Variants in MCRIP1 observed in about 807,000 individuals in gnomAD.
MCRIP1 encodes mapk-regulated corepressor-interacting protein 1.
Under a neutral mutation model 14.4 loss-of-function variants are expected in MCRIP1, and 10 were observed. The ratio of observed to expected loss-of-function variants is 0.70; its 90% CI spans 0.43 to 1.18. MCRIP1 has a LOEUF of 1.18. Among genes scored for constraint, MCRIP1 ranks in the 50% most tolerant of loss-of-function variants. The pLI is 0.00. For synonymous variants in MCRIP1, 53 were observed against 55.7 expected, an observed-to-expected ratio of 0.95 and a Z score of 0.21; for missense variants, 119 against 135.4, an observed-to-expected ratio of 0.88 and a Z score of 0.60.
intron 1 of MCRIP1, chr17:81,825,666 G>C (rs1189845118): frequency 1.6e-6 from 2 of 1,289,248 alleles, no homozygotes; most frequent in African/African-American, 1.5e-5. Context: ...AACCAGCAAA[G>C]AGCAGAAAAC....
intron 1 of MCRIP1, among the ~76,000 whole-genome samples, chr17:81,828,035 C>A (rs564797956): frequency 1.1e-4 from 16 of 152,154 alleles, no homozygotes; most frequent in Non-Finnish European, 1.6e-4. Context: ...CTGCTTCGGC[C>A]TCCCAAAGTG....
In MCRIP1 at chr17:81,824,472, A is replaced by G. The variant is rs8079817; in HGVS notation, c.8+27T>C. On this transcript the variant is annotated intron_variant, in intron 2 of 4. Transcript: ENST00000455127. ...GGGAGCCCACAACCCGCCCCGGTGGAGACCAGCCCACCTGCCTGAGACCCA... is the reference window on the plus strand; with the variant it reads ...GGGAGCCCACAACCCGCCCCGGTGGGGACCAGCCCACCTGCCTGAGACCCA... The G allele has an allele frequency of 5.3e-3, 8,086 of 1,535,634 alleles. 339 individuals are homozygous for G. The African/African-American group carries it at 0.096, about 18-fold the overall frequency.
At chr17:81,825,072 T>C (rs2143213054) in intron 1 of MCRIP1, 2 of 1,013,286 alleles carry the variant, frequency 2.0e-6, no homozygotes, top group South Asian at 4.0e-5. Context: ...CTAAAGGTGA[T>C]CCCAGCTCCC....
chr17:81,829,776 C>A (rs892472489), intron 1 of MCRIP1, among the ~76,000 whole-genome samples: 1 of 152,168 alleles, frequency 6.6e-6, no homozygotes, highest in Non-Finnish European at 1.5e-5. Flanking sequence ...CCACATCCCA[C>A]GCCACCCCAC....
Position 81,823,024 on chromosome 17 carries a change from G to T in MCRIP1, c.*223C>A, listed in dbSNP as rs1484582282. ...TGGCTGGGGGAGGGCAGGAGGGTGG[G>T]CAGGGCCCAGACCCCCATGATGGGG... is the stretch of plus-strand genomic sequence containing the variant. On this transcript the variant is annotated 3_prime_UTR_variant, in exon 5 of 5. Transcript: ENST00000455127. This position sits in a 1 kb window ranked among gnomAD's most constrained non-coding sequence, Gnocchi z 6.0. 2 of 603,690 alleles carry T rather than the reference G, an allele frequency of 3.3e-6. No individual in the cohort carries two copies. Among genetic ancestry groups the T allele is most frequent in the Non-Finnish European group, 5.9e-6 (2 of 340,184 alleles). 37.4% of individuals were successfully genotyped at this position (603,690 alleles called of 1,614,324 possible). A position where few individuals can be genotyped will look rare whatever the true frequency, so the allele number is the denominator to read the frequency against.
intron 1 of MCRIP1, chr17:81,825,917 A>G: frequency 7.7e-7 from 1 of 1,293,920 alleles, no homozygotes; most frequent in South Asian, 1.2e-5. Context: ...CCTGCTGGGA[A>G]GCTCCCGTTA....
In MCRIP1 at chr17:81,823,490, G is replaced by C. The variant is rs992606523; in HGVS notation, c.151C>G (p.Leu51Val). Reference sequence around the variant, plus strand: ...TCGCCACCCGGCACCTGGCCTCGCAGGTCTCGCTCCACACCCTGCCAGGCT... The same window carrying C: ...TCGCCACCCGGCACCTGGCCTCGCACGTCTCGCTCCACACCCTGCCAGGCT... ...YEAWQGVERD[L>V]RGQVPGGERG... is the part of the protein sequence containing the mutation. Residue 51 changes from leucine (L) to valine (V), a missense_variant, in exon 4 of 5, where the codon CTG becomes GTG. Leu to Val is a conservative substitution (Grantham distance 32). Coordinates refer to ENST00000455127, the MANE Select transcript of MCRIP1 (RefSeq NM_207368.5). The surrounding 1 kb of genome is among the most constrained non-coding windows in gnomAD (Gnocchi z 6.0). 17 of 1,536,348 alleles carry C rather than the reference G, an allele frequency of 1.1e-5. No homozygotes were observed. The highest frequency in any genetic ancestry group is 1.5e-5 in the Non-Finnish European group (17 of 1,146,770).
At chr17:81,832,115 G>A (rs890471532) in intron 1 of MCRIP1, among the ~76,000 whole-genome samples, 4 of 152,168 alleles carry the variant, frequency 2.6e-5, no homozygotes, top group Non-Finnish European at 5.9e-5. Context: ...TGACGCCATC[G>A]CTAGTCACCA....
intron 1 of MCRIP1, among the ~76,000 whole-genome samples, chr17:81,832,074 G>C (rs1237122720): frequency 6.6e-6 from 1 of 152,178 alleles, no homozygotes; most frequent in Non-Finnish European, 1.5e-5. Context: ...CCAGCAACGT[G>C]ACAATAGTGA....
intron 1 of MCRIP1, chr17:81,825,510 C>T: frequency 8.1e-7 from 1 of 1,240,466 alleles, no homozygotes; most frequent in African/African-American, 1.6e-5. Context: ...AGGCCCAAGG[C>T]TGCAGATACT....
In MCRIP1 at chr17:81,830,220, T is replaced by C. The variant is rs778196225; in HGVS notation, c.-49+3018A>G. 1.2e-4 allele frequency among the ~76,000 whole-genome samples: 19 copies of C among 152,258 alleles called. No homozygotes were observed. The East Asian group carries it at 2.3e-3, about 19-fold the overall frequency. ...CCACAGGTAGGCTCGCCTGCTCCAA[T>C]AGGGACGGAAGCACAGCCATGGAAA... is the stretch of plus-strand genomic sequence containing the variant. On this transcript the variant is annotated intron_variant, in intron 1 of 4. Coordinates refer to ENST00000455127, the MANE Select transcript of MCRIP1 (RefSeq NM_207368.5).
chr17:81,833,149 C>A, intron 1 of MCRIP1, 89 bp downstream of exon 1: 1 of 146,768 alleles, frequency 6.8e-6, no homozygotes, highest in South Asian at 2.0e-4. Context: ...GCAGGGCACC[C>A]GCGGCCGCGC....
intron 1 of MCRIP1, among the ~76,000 whole-genome samples, chr17:81,829,292 G>GA (rs2038473280): frequency 6.6e-6 from 1 of 152,188 alleles, no homozygotes; most frequent in Non-Finnish European, 1.5e-5. Context: ...TCAGCCCAGA[G>GA]AGACAGCCCC....
chr17:81,822,367 T>G lies in MCRIP1; in HGVS notation c.*880A>C, dbSNP rs1349576911. 1.3e-5 allele frequency: 2 copies of G among 152,386 alleles called. No homozygotes were observed. Among genetic ancestry groups the G allele is most frequent in the East Asian group, 1.9e-4 (1 of 5,208 alleles). The allele number at this position is 152,386 out of a possible 1,614,324, so 9.4% of individuals were successfully genotyped here. ...TCCAGCCCTGCCCGGGAGCTGGCTG[T>G]GCATGTGTGCCGCAGGGGCAGAGGC... is the stretch of plus-strand genomic sequence containing the variant. On this transcript the variant is annotated 3_prime_UTR_variant, in exon 5 of 5. Transcript: ENST00000455127.
At chr17:81,831,925 A>T (rs2038528411) in intron 1 of MCRIP1, among the ~76,000 whole-genome samples, 1 of 152,014 alleles carries the variant, frequency 6.6e-6, no homozygotes, top group South Asian at 2.1e-4. Flanking sequence ...ACTATGTAGA[A>T]CCTTCCTCCT....
rs150886757 is a variant in MCRIP1, at chr17:81,823,571, G to A, written c.128-58C>T. ...CCCTGCCCCAGGGGGTGGCATCCAC[G>A]TCACGAGAGTGCCTGCCCTCAGCTC... is the stretch of plus-strand genomic sequence containing the variant. On this transcript the variant is annotated intron_variant, in intron 3 of 4. Coordinates refer to ENST00000455127, the MANE Select transcript of MCRIP1 (RefSeq NM_207368.5). This position sits in a 1 kb window ranked among gnomAD's most constrained non-coding sequence, Gnocchi z 6.0. 4.1e-4 allele frequency: 580 copies of A among 1,398,600 alleles called. 6 individuals are homozygous for A. The East Asian group carries it at 0.011, about 27-fold the overall frequency. 86.6% of individuals were successfully genotyped at this position (1,398,600 alleles called of 1,614,324 possible).
chr17:81,825,852 C>G, intron 1 of MCRIP1: 1 of 1,289,842 alleles, frequency 7.8e-7, no homozygotes, highest in Middle Eastern at 2.1e-4. Context: ...CCCACGAACA[C>G]CAGAGCACGG....
chr17:81,832,272 C>T (rs1365469901), intron 1 of MCRIP1, among the ~76,000 whole-genome samples: 1 of 152,164 alleles, frequency 6.6e-6, no homozygotes, highest in Non-Finnish European at 1.5e-5. Flanking sequence ...GCCACACTGG[C>T]ACCTCGTGGT....
chr17:81,826,163 C>T (rs2038390497), intron 1 of MCRIP1: 1 of 1,496,272 alleles, frequency 6.7e-7, no homozygotes, highest in Admixed American at 2.0e-5. Flanking sequence ...TGCCCCAGAT[C>T]CCACTGATTG....
Sources: allele counts gnomAD v4.1 joint callset (sites outside exome capture counted in the v4.1 genomes callset), GRCh38; gene constraint gnomAD v4.1.1; non-coding constraint Gnocchi (gnomAD v3.1); transcripts MANE v1.5; gene names NCBI Gene and HGNC (gene_info 2026-07-23, HGNC 2026-07-21).